ANKDD1A: variants seen among roughly 807,000 people sequenced by gnomAD.
ANKDD1A encodes ankyrin repeat and death domain-containing protein 1A.
In ANKDD1A, 59 loss-of-function variants were observed where a neutral mutation model predicts 63.5. That is an observed-to-expected ratio of 0.93 (90% confidence interval 0.75 to 1.15). The LOEUF is 1.15. Among genes scored for constraint, ANKDD1A ranks in the 50% most tolerant of loss-of-function variants. ANKDD1A has a pLI of 0.00. For missense variants in ANKDD1A, 632 were observed against 656.4 expected (o/e 0.96, Z 0.41); for synonymous variants, 266 against 263.9 (o/e 1.01, Z -0.08).
At position 64,943,585 on chromosome 15, in the gene ANKDD1A, A is replaced by G. The variant is rs150907197; in HGVS notation, c.1065+3A>G. 1.2e-6 allele frequency: 2 copies of G among 1,613,890 alleles called. No individual in the cohort carries two copies. The highest frequency in any genetic ancestry group is 2.2e-5 in the East Asian group (1 of 44,864). ...TTGACTTAAACCTGAGAGATAAGGT[A>G]CCTCTGCTTACAACCCACCTCGCTT... On this transcript the variant is annotated splice_donor_region_variant and intron_variant, in intron 11 of 14. Coordinates refer to ENST00000319580, the MANE Select transcript of ANKDD1A (RefSeq NM_182703.6).
chr15:64,938,887 G>A (rs1323382928), intron 9 of ANKDD1A, among the ~76,000 whole-genome samples: 2 of 151,194 alleles, frequency 1.3e-5, no homozygotes, highest in Non-Finnish European at 2.9e-5. Context: ...GGAGGTCGCA[G>A]TGAGCCGAGA....
chr15:64,954,744 C>CTTCT (rs147415197), intron 14 of ANKDD1A, among the ~76,000 whole-genome samples: 72,032 of 127,378 alleles, frequency 0.57, 19,169 homozygotes, highest in East Asian at 0.84. Flanking sequence ...CTTCCTTCTC[C>CTTCT]TTCTTCTTTC....
In ANKDD1A at chr15:64,954,196, T is replaced by G. The variant is rs2085376803; in HGVS notation, c.1484-2907T>G. On this transcript the variant is annotated intron_variant, in intron 14 of 14. Coordinates refer to ENST00000319580, the MANE Select transcript of ANKDD1A (RefSeq NM_182703.6). ...TTTTCTTCTTCTTCTCCTTCTTTCT[T>G]GTTCCTTATTCTTTTCTTCTTCTTC... Among the ~76,000 whole-genome samples the G allele has an allele frequency of 2.4e-4, 3 of 12,552 alleles. No individual in the cohort carries two copies. The South Asian group carries it at 0.012, about 49-fold the overall frequency. The allele number at this position is 12,552 out of a possible 152,430, so 8.2% of individuals were successfully genotyped here.
At chr15:64,954,857 T>C (rs370995650) in intron 14 of ANKDD1A, among the ~76,000 whole-genome samples, 1 of 14,672 alleles carries the variant, frequency 6.8e-5, no homozygotes, top group Admixed American at 1.8e-3. Context: ...CTTCTTCTTC[T>C]TTCTTCTCCT....
chr15:64,918,091 C>T (rs777294813), intron 3 of ANKDD1A, among the ~76,000 whole-genome samples: 23 of 152,210 alleles, frequency 1.5e-4, no homozygotes, highest in Non-Finnish European at 2.9e-4. Context: ...CGCCTGGGCG[C>T]GATGGCTCAT....
At chr15:64,953,621 C>CTTAG (rs1555397865) in intron 14 of ANKDD1A, among the ~76,000 whole-genome samples, 586 of 27,968 alleles carry the variant, frequency 0.021, 12 homozygotes, top group African/African-American at 0.027. Flanking sequence ...TCTCCTTCTT[C>CTTAG]TTCTTCTTCC....
At chr15:64,930,465 G>A (rs1221869343) in intron 6 of ANKDD1A, among the ~76,000 whole-genome samples, 1 of 152,180 alleles carries the variant, frequency 6.6e-6, no homozygotes, top group African/African-American at 2.4e-5. Flanking sequence ...AGACTTGAGG[G>A]AGGCAGGTGA....
At chr15:64,954,098 T>C (rs2085374458) in intron 14 of ANKDD1A, among the ~76,000 whole-genome samples, 1 of 146,386 alleles carries the variant, frequency 6.8e-6, no homozygotes, top group Non-Finnish European at 1.5e-5. Flanking sequence ...TTCTCCTCCC[T>C]CTTTTCTTCT....
chr15:64,951,720 C>CGTTCTTCCTTTCTTTTTCTTT (rs1276132353), intron 14 of ANKDD1A, among the ~76,000 whole-genome samples: 4 of 136,252 alleles, frequency 2.9e-5, no homozygotes, highest in East Asian at 2.1e-4. Flanking sequence ...TCTTTTTCTT[C>CGTTCTTCCTTTCTTTTTCTTT]CCTTTTCTTC....
chr15:64,937,625 G>A (rs1262377028), intron 9 of ANKDD1A, among the ~76,000 whole-genome samples: 1 of 152,136 alleles, frequency 6.6e-6, no homozygotes, highest in East Asian at 1.9e-4. Flanking sequence ...CTATTCAGGA[G>A]GCTGAGGCAG....
At chr15:64,932,940 C>T (rs2085102372) in intron 8 of ANKDD1A, among the ~76,000 whole-genome samples, 1 of 104,526 alleles carries the variant, frequency 9.6e-6, no homozygotes, top group African/African-American at 3.0e-5. Context: ...CAGATTGAGA[C>T]CCTGTCTCAA....
intron 8 of ANKDD1A, 167 bp downstream of exon 8, chr15:64,931,752 C>A (rs1025331515): frequency 1.4e-6 from 1 of 690,372 alleles, no homozygotes; most frequent in Admixed American, 2.6e-5. Flanking sequence ...TGACCTGGAG[C>A]AAGTTACTTA....
At chr15:64,945,955 T>C (rs1157834174) in intron 12 of ANKDD1A, among the ~76,000 whole-genome samples, 1 of 152,048 alleles carries the variant, frequency 6.6e-6, no homozygotes, top group Non-Finnish European at 1.5e-5. Flanking sequence ...TATCAAGACA[T>C]AACCCCATCA....
chr15:64,926,225 CCA>C, intron 5 of ANKDD1A, 55 bp downstream of exon 5: 1 of 1,528,134 alleles, frequency 6.5e-7, no homozygotes, highest in Non-Finnish European at 9.0e-7. Flanking sequence ...GCTCCTGGGG[CCA>C]CTCTTGCACA....
At position 64,917,518 on chromosome 15, in the gene ANKDD1A, C is replaced by G; in HGVS notation, c.267+4C>G. On this transcript the variant is annotated splice_donor_region_variant and intron_variant, in intron 3 of 14. Transcript: ENST00000319580. ...CCTCACAGAGGCACGTCTGTGTGTA[C>G]GTGTCTGTCTGTCTGTCTGTCTCAG... is the stretch of plus-strand genomic sequence containing the variant. 1.3e-6 allele frequency: 2 copies of G among 1,502,810 alleles called. No individual in the cohort carries two copies. Among genetic ancestry groups the G allele is most frequent in the Non-Finnish European group, 1.8e-6 (2 of 1,121,922 alleles). The allele number at this position is 1,502,810 out of a possible 1,614,324, so 93.1% of individuals were successfully genotyped here. A position where few individuals can be genotyped will look rare whatever the true frequency, so the allele number is the denominator to read the frequency against.
At chr15:64,934,110 A>G (rs58089610) in intron 8 of ANKDD1A, 26 bp from the exon 9 acceptor site, 1 of 1,589,146 alleles carries the variant, frequency 6.3e-7, no homozygotes, top group Non-Finnish European at 8.6e-7. Context: ...CCTTGTGATA[A>G]CGCATTGATG....
chr15:64,937,331 C>G (rs2085142091), intron 9 of ANKDD1A, among the ~76,000 whole-genome samples: 3 of 152,184 alleles, frequency 2.0e-5, no homozygotes, highest in Admixed American at 1.3e-4. Flanking sequence ...GTTTTTGCTG[C>G]AGTATCATTT....
At chr15:64,945,721 C>T (rs1253058441) in intron 12 of ANKDD1A, among the ~76,000 whole-genome samples, 1 of 149,038 alleles carries the variant, frequency 6.7e-6, no homozygotes, top group Non-Finnish European at 1.5e-5. Context: ...CAACCTCTGC[C>T]TACTGGGTTC....
rs984008233 is a variant in ANKDD1A, at chr15:64,922,111, C to T, written c.366+92C>T. ...GACCTCTGTCCCCCACCCCTGCTTG[C>T]CCCTCCAGCCCCCAACCTGCCTCTG... On this transcript the variant is annotated intron_variant, in intron 4 of 14. Transcript: ENST00000319580. The T allele has an allele frequency of 2.0e-5, 21 of 1,072,790 alleles. No homozygotes were observed. The African/African-American group carries it at 2.5e-4, about 13-fold the overall frequency. 66.5% of individuals were successfully genotyped at this position (1,072,790 alleles called of 1,614,324 possible). A position where few individuals can be genotyped will look rare whatever the true frequency, so the allele number is the denominator to read the frequency against.
Sources: gnomAD v4.1 joint callset for allele counts (sites outside exome capture counted in the v4.1 genomes callset) on GRCh38, gnomAD v4.1.1 for gene constraint, MANE v1.5 for transcripts, NCBI Gene and HGNC (gene_info 2026-07-23, HGNC 2026-07-21) for gene names.